Variants in ZNF331 observed in about 807,000 individuals in gnomAD.
The protein encoded by ZNF331 is C2H2-like zinc finger protein rearranged in thyroid adenomas.
In ZNF331, 2 loss-of-function variants were observed where a neutral mutation model predicts 7.0. The observed-to-expected ratio is 0.29, with a 90% CI of 0.12 to 0.90. ZNF331 has a LOEUF of 0.90. Among genes scored for constraint, ZNF331 ranks in the 40% least tolerant of loss-of-function variants. The pLI, the probability that ZNF331 is intolerant of heterozygous loss-of-function variation, is 0.58. For synonymous variants in ZNF331, 196 were observed against 205.4 expected (o/e 0.95, Z 0.39); for missense variants, 432 against 587.7 (o/e 0.74, Z 2.74).
rs977346175 is a variant in ZNF331, at chr19:53,554,398, G to A, written c.-137-1447G>A. On this transcript the variant is annotated intron_variant, in intron 2 of 5. Coordinates refer to ENST00000449416, the MANE Select transcript of ZNF331 (RefSeq NM_001079906.2). ...CATGTCGCGGTCTGGGTGTACATGC[G>A]TGTCAGGATCTGTGTGCACGCACAT... 2.6e-5 allele frequency: 4 copies of A among 152,382 alleles called. No individual in the cohort carries two copies. The South Asian group carries it at 6.2e-4, about 24-fold the overall frequency. 9.4% of individuals were successfully genotyped at this position (152,382 alleles called of 1,614,324 possible). A position where few individuals can be genotyped will look rare whatever the true frequency, so the allele number is the denominator to read the frequency against.
rs1048837901 is a variant in ZNF331 at position 53,573,917 on chromosome 19, A to G, written c.136+2187A>G. On this transcript the variant is annotated intron_variant, in intron 5 of 5. Transcript: ENST00000449416. The surrounding 1 kb of genome is among the most constrained non-coding windows in gnomAD (Gnocchi z 4.2). ...CACCTGAAGTCAGGACTTCAAGACC[A>G]GCCTGGCCAACATGGTGAAAACCCG... is the stretch of plus-strand genomic sequence containing the variant. Among the ~76,000 whole-genome samples, 5 of 152,226 alleles carry G rather than the reference A, an allele frequency of 3.3e-5. No homozygotes were observed. The highest frequency in any genetic ancestry group is 1.2e-4 in the African/African-American group (5 of 41,464).
In ZNF331 at chr19:53,539,578, A is replaced by C. The variant is rs6509789; in HGVS notation, c.-138+296A>C. The C allele has an allele frequency of 0.74, 111,933 of 152,136 alleles. 41,539 individuals are homozygous for C. Among genetic ancestry groups the C allele is most frequent in the African/African-American group, 0.85 (35,159 of 41,520 alleles). The allele number at this position is 152,136 out of a possible 1,614,324, so 9.4% of individuals were successfully genotyped here. On this transcript the variant is annotated intron_variant, in intron 2 of 5. Coordinates refer to ENST00000449416, the MANE Select transcript of ZNF331 (RefSeq NM_001079906.2). This position sits in a 1 kb window ranked among gnomAD's most constrained non-coding sequence, Gnocchi z 6.1. ...GGGATGGGTGTTTGCAGGTTCACAAAATGAACCACAGCCTCAAATGGCCTA... is the reference window on the plus strand; with the variant it reads ...GGGATGGGTGTTTGCAGGTTCACAACATGAACCACAGCCTCAAATGGCCTA...
At chr19:53,534,106 GA>G (rs2147277319), upstream of ZNF331, among the ~76,000 whole-genome samples, 1 of 152,274 alleles carries the variant, frequency 6.6e-6, no homozygotes, top group East Asian at 1.9e-4. Flanking sequence ...GAGACACAGT[GA>G]AAGGTCATTC....
At position 53,579,564 on chromosome 19, in the gene ZNF331, G is replaced by T. The variant is rs1480109879; in HGVS notation, c.*1612G>T. ...ATTTTAATAAATAATAACTATTGTT[G>T]TTTTTATGATCATTACTACCATTTG... On this transcript the variant is annotated 3_prime_UTR_variant, in exon 6 of 6. Transcript: ENST00000449416. The T allele has an allele frequency of 4.9e-6, 1 of 202,334 alleles. No homozygotes were observed. Among genetic ancestry groups the T allele is most frequent in the Admixed American group, 6.0e-5 (1 of 16,686 alleles). The allele number at this position is 202,334 out of a possible 1,614,324, so 12.5% of individuals were successfully genotyped here. A position where few individuals can be genotyped will look rare whatever the true frequency, so the allele number is the denominator to read the frequency against.
chr19:53,568,645 T>C (rs1207131287), intron 3 of ZNF331, among the ~76,000 whole-genome samples: 1 of 152,056 alleles, frequency 6.6e-6, no homozygotes, highest in Admixed American at 6.6e-5. Flanking sequence ...GCCAGACTAC[T>C]TTTTAGGCAA....
At chr19:53,511,998 A>G in the ZNF331 span, 3 of 152,278 alleles carry the variant, frequency 2.0e-5, no homozygotes, top group Non-Finnish European at 2.9e-5. Flanking sequence ...GTCTAAAGTC[A>G]TCCCTGCTGG....
intron 2 of ZNF331, among the ~76,000 whole-genome samples, chr19:53,544,025 G>A (rs564690960): frequency 2.0e-5 from 3 of 152,060 alleles, no homozygotes; most frequent in Non-Finnish European, 2.9e-5. Context: ...TCAGGAGATC[G>A]AGACCGTCCT....
At chr19:53,526,550 A>ATTTTT (rs35733725) in intron 2 of ZNF331, among the ~76,000 whole-genome samples, 1 of 150,080 alleles carries the variant, frequency 6.7e-6, no homozygotes. Flanking sequence ...TGGCGTAGAA[A>ATTTTT]TTTTTTTTTT....
chr19:53,549,786 C>A (rs1015814932), intron 2 of ZNF331, among the ~76,000 whole-genome samples: 2 of 150,328 alleles, frequency 1.3e-5, no homozygotes, highest in African/African-American at 4.9e-5. Flanking sequence ...TTATTATTTC[C>A]TTCCTTCCTA....
chr19:53,567,329 A>T (rs1168838741), intron 3 of ZNF331, among the ~76,000 whole-genome samples: 1 of 152,114 alleles, frequency 6.6e-6, no homozygotes, highest in Admixed American at 6.6e-5. Flanking sequence ...AAGTTTGGAT[A>T]ATACAGCCCC....
chr19:53,515,829 C>A (rs1044228380), upstream of ZNF331, among the ~76,000 whole-genome samples: 1 of 152,158 alleles, frequency 6.6e-6, no homozygotes, highest in Non-Finnish European at 1.5e-5. Flanking sequence ...CTTTTAAACC[C>A]TTTCTGTCTC....
At chr19:53,550,678 AG>A (rs1243421124) in intron 2 of ZNF331, among the ~76,000 whole-genome samples, 2 of 150,300 alleles carry the variant, frequency 1.3e-5, no homozygotes, top group African/African-American at 4.9e-5. Context: ...CTGGGATTAC[AG>A]GCTCCTGCCA....
At chr19:53,541,138 G>A (rs1048367142) in intron 2 of ZNF331, among the ~76,000 whole-genome samples, 8 of 138,682 alleles carry the variant, frequency 5.8e-5, no homozygotes, top group African/African-American at 8.2e-5. Context: ...ACAGAGTTTC[G>A]CTCTTGTTGC....
the ZNF331 span, among the ~76,000 whole-genome samples, chr19:53,506,462 C>G: frequency 1.1e-3 from 148 of 137,244 alleles, 3 homozygotes; most frequent in South Asian, 4.7e-3. Flanking sequence ...CTCTCTCTCT[C>G]TCTCTCTCTC....
the ZNF331 span, among the ~76,000 whole-genome samples, chr19:53,508,362 T>C: frequency 4.5e-3 from 686 of 152,300 alleles, 15 homozygotes; most frequent in East Asian, 0.077. Flanking sequence ...AACTCATTCA[T>C]GTCACCTTTT....
At chr19:53,535,239 C>T (rs2087702073), upstream of ZNF331, among the ~76,000 whole-genome samples, 1 of 150,294 alleles carries the variant, frequency 6.7e-6, no homozygotes, top group Admixed American at 6.6e-5. Context: ...TTACAGGTGT[C>T]TGCCACACAT....
Position 53,577,155 on chromosome 19 carries a change from G to A in ZNF331, c.595G>A (p.Gly199Ser). The A allele has an allele frequency of 6.2e-7, 1 of 1,614,092 alleles. No individual in the cohort carries two copies. The highest frequency in any genetic ancestry group is 8.5e-7 in the Non-Finnish European group (1 of 1,180,012). ...CKDCGKAFRW[G>S]SSLVIHKRIH... ...AGACTGTGGGAAGGCTTTTCGATGG[G>A]GCTCAAGCCTCGTTATTCATAAGAG... Residue 199 changes from glycine (G) to serine (S), a missense_variant, in exon 6 of 6, where the codon GGC becomes AGC. By Grantham distance (56) the Gly-to-Ser change is moderately conservative. Coordinates refer to ENST00000449416, the MANE Select transcript of ZNF331 (RefSeq NM_001079906.2).
intron 3 of ZNF331, among the ~76,000 whole-genome samples, chr19:53,561,735 C>T (rs113536351): frequency 0.038 from 5,789 of 152,210 alleles, 169 homozygotes; most frequent in Non-Finnish European, 0.055. Flanking sequence ...TGCCTATGGT[C>T]CTAGCTACTT....
At chr19:53,513,446 A>G in the ZNF331 span, among the ~76,000 whole-genome samples, 6 of 152,080 alleles carry the variant, frequency 3.9e-5, no homozygotes, top group African/African-American at 1.5e-4. Flanking sequence ...CATGTTTTTT[A>G]GAATTTTTAA....
Sources: gnomAD v4.1 joint callset for allele counts (sites outside exome capture counted in the v4.1 genomes callset) on GRCh38, gnomAD v4.1.1 for gene constraint, Gnocchi (gnomAD v3.1) non-coding constraint, MANE v1.5 for transcripts, NCBI Gene and HGNC (gene_info 2026-07-23, HGNC 2026-07-21) for gene names.